The following RERE variants were observed in gnomAD, a reference collection of about 807,000 sequenced individuals.
RERE encodes the protein arginine-glutamic acid dipeptide repeats protein.
In RERE, 40 loss-of-function variants were observed where a neutral mutation model predicts 146.1. The ratio of observed to expected loss-of-function variants is 0.27; its 90% CI spans 0.21 to 0.36. The LOEUF (loss-of-function observed/expected upper bound fraction) is 0.36. RERE is among the 10% of genes least tolerant of loss of function. The probability of loss-of-function intolerance (pLI) is 1.00; values close to 1 mark genes in which losing one functional copy is unlikely to be tolerated. For missense variants in RERE, 1,933 were observed against 2,138.7 expected (o/e 0.90, Z 1.90); for synonymous variants, 1,003 against 866.0 (o/e 1.16, Z -2.78).
intron 1 of RERE, among the ~76,000 whole-genome samples, chr1:8,668,963 T>TGTGTGTGTGTGTGTGTGTGTGTGTG: frequency 2.4e-5 from 1 of 42,408 alleles, no homozygotes; most frequent in African/African-American, 9.8e-5. Context: ...TGTGTGTGTG[T>TGTGTGTGTGTGTGTGTGTGTGTGTG]TGTGTTTTTA....
intron 10 of RERE, among the ~76,000 whole-genome samples, chr1:8,480,143 GTT>G (rs375571417): frequency 2.0e-4 from 21 of 105,422 alleles, no homozygotes; most frequent in South Asian, 3.0e-4. Flanking sequence ...TTTTTTTTTT[GTT>G]TTTTTTTTTT....
At chr1:8,557,077 T>C (rs953868280) in intron 5 of RERE, among the ~76,000 whole-genome samples, 49 of 151,966 alleles carry the variant, frequency 3.2e-4, no homozygotes, top group African/African-American at 1.1e-3. Flanking sequence ...AACATCATTC[T>C]TCCAAGCTGT....
chr1:8,422,599 T>G, intron 12 of RERE, 128 bp downstream of exon 12: 1 of 658,198 alleles, frequency 1.5e-6, no homozygotes, highest in Non-Finnish European at 2.7e-6. Context: ...ACGGAGAGAA[T>G]TCTGGAGGCC....
At chr1:8,466,108 A>G (rs571286967) in intron 10 of RERE, 85 bp from the exon 11 acceptor site, 5 of 1,099,768 alleles carry the variant, frequency 4.5e-6, no homozygotes, top group African/African-American at 1.6e-5. Context: ...CTCATTGACT[A>G]TCTCCCACAG....
chr1:8,441,311 C>T (rs1246824005), intron 11 of RERE, among the ~76,000 whole-genome samples: 1 of 152,222 alleles, frequency 6.6e-6, no homozygotes, highest in African/African-American at 2.4e-5. Flanking sequence ...TTCCAACAAT[C>T]CATCAGCCTG....
intron 4 of RERE, among the ~76,000 whole-genome samples, chr1:8,603,408 G>A (rs765268514): frequency 3.6e-4 from 55 of 152,228 alleles, no homozygotes; most frequent in Non-Finnish European, 6.9e-4. Context: ...GAATCCAGCC[G>A]TCTACACAAA....
chr1:8,599,239 T>C (rs957586388), intron 4 of RERE, among the ~76,000 whole-genome samples: 3 of 152,188 alleles, frequency 2.0e-5, no homozygotes, highest in African/African-American at 7.2e-5. Context: ...ATCGAGGAGC[T>C]GAAATCCTAC....
Position 8,810,811 on chromosome 1 carries a change from A to T in RERE, c.-145+6349T>A, listed in dbSNP as rs567136937. 5.9e-5 allele frequency among the ~76,000 whole-genome samples: 9 copies of T among 152,308 alleles called. No individual in the cohort carries two copies. In the East Asian group the frequency reaches 1.5e-3, roughly 26 times the overall value. On this transcript the variant is annotated intron_variant, in intron 1 of 22. Transcript: ENST00000400908. ...AGGCTTTAAAGAGCTCATGTGCATTATAAACGTATTTCACCCCACACTTAA... is the reference window on the plus strand; with the variant it reads ...AGGCTTTAAAGAGCTCATGTGCATTTTAAACGTATTTCACCCCACACTTAA...
chr1:8,612,217 A>G (rs1367477697), intron 4 of RERE, among the ~76,000 whole-genome samples: 3 of 152,216 alleles, frequency 2.0e-5, no homozygotes, highest in Non-Finnish European at 1.5e-5. Flanking sequence ...AGAAATGTTA[A>G]TGATATTGTC....
chr1:8,399,790 TTATTA>T (rs1643184714), intron 12 of RERE, among the ~76,000 whole-genome samples: 2 of 151,956 alleles, frequency 1.3e-5, no homozygotes, highest in African/African-American at 4.8e-5. Flanking sequence ...TTTTAATATT[TTATTA>T]TGTCTTTTTT....
At chr1:8,792,175 C>A (rs1205708839) in intron 1 of RERE, among the ~76,000 whole-genome samples, 1 of 151,924 alleles carries the variant, frequency 6.6e-6, no homozygotes, top group Admixed American at 6.6e-5. Context: ...GTTATAAATT[C>A]TTATAACCCA....
rs191765301 is a variant in RERE, at chr1:8,612,807, T to G, written c.522+1754A>C. Among the ~76,000 whole-genome samples the G allele has an allele frequency of 1.7e-3, 264 of 152,310 alleles. 3 individuals are homozygous for G. Among genetic ancestry groups the G allele is most frequent in the South Asian group, 0.015 (71 of 4,822 alleles). On this transcript the variant is annotated intron_variant, in intron 4 of 22. Coordinates refer to ENST00000400908, the MANE Select transcript of RERE (RefSeq NM_001042681.2). ...TTGCTAAAGGCTGAAGCTTTAGAAG[T>G]AGGTAGTCACATTGGGAATCTACTA... is the stretch of plus-strand genomic sequence containing the variant.
rs925913881 is a variant in RERE, at chr1:8,422,915, G to A, written c.1204-108C>T. 3.9e-5 allele frequency: 32 copies of A among 825,154 alleles called. No homozygotes were observed. The East Asian group carries it at 4.8e-4, about 12-fold the overall frequency. 51.1% of individuals were successfully genotyped at this position (825,154 alleles called of 1,614,324 possible). On this transcript the variant is annotated intron_variant, in intron 11 of 22. Coordinates refer to ENST00000400908, the MANE Select transcript of RERE (RefSeq NM_001042681.2). ...GAATAACAACCACAAAAAAAGTCTC[G>A]GCTAGGGAATACTGCCGAGGCTCGG...
intron 2 of RERE, among the ~76,000 whole-genome samples, chr1:8,645,503 T>TA (rs149562059): frequency 0.015 from 2,318 of 152,322 alleles, 62 homozygotes; most frequent in African/African-American, 0.053. Context: ...GAAGCACTAA[T>TA]GAGTGATTAG....
chr1:8,724,161 ATTTAT>A (rs1358107188), intron 1 of RERE, among the ~76,000 whole-genome samples: 3 of 152,216 alleles, frequency 2.0e-5, no homozygotes, highest in African/African-American at 4.8e-5. Flanking sequence ...TAAGAAATAC[ATTTAT>A]TTTATTTTTG....
At chr1:8,428,883 C>T (rs1644054296) in intron 11 of RERE, among the ~76,000 whole-genome samples, 1 of 152,146 alleles carries the variant, frequency 6.6e-6, no homozygotes, top group Non-Finnish European at 1.5e-5. Flanking sequence ...TGAGCCCACC[C>T]CCTGTCATAG....
intron 1 of RERE, among the ~76,000 whole-genome samples, chr1:8,719,488 A>G (rs74050277): frequency 0.026 from 4,012 of 152,282 alleles, 165 homozygotes; most frequent in African/African-American, 0.09. Flanking sequence ...TACTACCAAC[A>G]GGCACCCTAC....
rs191938732 is a variant in RERE, at chr1:8,758,449, C to A, written c.-145+58711G>T. Among the ~76,000 whole-genome samples, 16 of 149,762 alleles carry A rather than the reference C, an allele frequency of 1.1e-4. 1 individual carries two copies. The East Asian group carries it at 2.5e-3, about 24-fold the overall frequency. On this transcript the variant is annotated intron_variant, in intron 1 of 22. Coordinates refer to ENST00000400908, the MANE Select transcript of RERE (RefSeq NM_001042681.2). ...CTCTGTTGCCCAAGCTGGAGTGCAG[C>A]GGCACAATCATAACTCACTGTAACC...
Position 8,359,746 on chromosome 1 carries a change from C to T in RERE, c.3618+18G>A, listed in dbSNP as rs201956102. On this transcript the variant is annotated intron_variant, in intron 19 of 22. Coordinates refer to ENST00000400908, the MANE Select transcript of RERE (RefSeq NM_001042681.2). ...TGGACCAGCGCCCCCCGTCACACCT[C>T]GCCAACCCTGGACTCACAGCCGCCC... The T allele has an allele frequency of 3.4e-5, 55 of 1,597,810 alleles. No homozygotes were observed. The Admixed American group carries it at 6.0e-4, about 17-fold the overall frequency.
Sources: gnomAD v4.1 joint callset for allele counts (sites outside exome capture counted in the v4.1 genomes callset) on GRCh38, gnomAD v4.1.1 for gene constraint, MANE v1.5 for transcripts, NCBI Gene and HGNC (gene_info 2026-07-23, HGNC 2026-07-21) for gene names.